NRG3: variants seen among roughly 807,000 people sequenced by gnomAD.
NRG3 encodes neuregulin 3, also known as pro-neuregulin-3, membrane-bound isoform.
In NRG3, 31 loss-of-function variants were observed where a neutral mutation model predicts 66.9. The ratio of observed to expected loss-of-function variants is 0.46; its 90% CI spans 0.35 to 0.63. The LOEUF (loss-of-function observed/expected upper bound fraction) is 0.63. Ranked by LOEUF, NRG3 falls within the 20% of genes least tolerant of loss-of-function variation. The pLI, the probability that NRG3 is intolerant of heterozygous loss-of-function variation, is 0.00. For missense variants in NRG3, 910 were observed against 878.9 expected (o/e 1.04, Z -0.45); for synonymous variants, 393 against 359.4 (o/e 1.09, Z -1.06).
intron 2 of NRG3, among the ~76,000 whole-genome samples, chr10:82,684,010 C>T (rs1380476202): frequency 8.7e-6 from 1 of 115,366 alleles, no homozygotes; most frequent in East Asian, 3.2e-4. Flanking sequence ...CCGGAATGTG[C>T]TGTGTGTATA....
intron 3 of NRG3, among the ~76,000 whole-genome samples, chr10:82,742,851 A>G (rs2058484854): frequency 6.6e-6 from 1 of 152,092 alleles, no homozygotes; most frequent in Non-Finnish European, 1.5e-5. Context: ...GCACAGTTAG[A>G]TGGAGCTGAA....
intron 1 of NRG3, among the ~76,000 whole-genome samples, chr10:82,122,457 T>G (rs746670232): frequency 1.3e-5 from 2 of 152,174 alleles, no homozygotes; most frequent in African/African-American, 4.8e-5. Flanking sequence ...TCACAGATAC[T>G]TGGTCAAACT....
intron 3 of NRG3, among the ~76,000 whole-genome samples, chr10:82,743,567 C>T (rs1409542969): frequency 1.3e-5 from 2 of 152,108 alleles, no homozygotes; most frequent in African/African-American, 4.8e-5. Flanking sequence ...TAAACACAGC[C>T]CCACTTCCAA....
intron 1 of NRG3, among the ~76,000 whole-genome samples, chr10:82,283,785 C>G (rs938360896): frequency 6.6e-6 from 1 of 152,122 alleles, no homozygotes; most frequent in Non-Finnish European, 1.5e-5. Context: ...TTCTGCATCT[C>G]GAGTCCCAAT....
At chr10:82,655,984 C>T (rs2051817422) in intron 2 of NRG3, among the ~76,000 whole-genome samples, 1 of 152,034 alleles carries the variant, frequency 6.6e-6, no homozygotes, top group South Asian at 2.1e-4. Context: ...CATTTTTAAC[C>T]TAAAGAAAAG....
chr10:82,450,045 G>A (rs557227202), intron 2 of NRG3, among the ~76,000 whole-genome samples: 5 of 152,306 alleles, frequency 3.3e-5, no homozygotes, highest in African/African-American at 1.2e-4. Context: ...GCATGACAGA[G>A]TGGAGTGGTC....
At chr10:82,098,355 A>G (rs544302423) in intron 1 of NRG3, among the ~76,000 whole-genome samples, 5 of 152,016 alleles carry the variant, frequency 3.3e-5, no homozygotes, top group South Asian at 2.1e-4. Context: ...GATGACATCT[A>G]TATGACATCT....
At chr10:82,856,756 C>G (rs77823181) in intron 3 of NRG3, among the ~76,000 whole-genome samples, 1 of 107,478 alleles carries the variant, frequency 9.3e-6, no homozygotes, top group East Asian at 3.1e-4. Flanking sequence ...AAAAAAAAAA[C>G]AAAAAAAAAA....
At chr10:82,883,781 T>C (rs931621934) in intron 4 of NRG3, among the ~76,000 whole-genome samples, 2 of 152,116 alleles carry the variant, frequency 1.3e-5, no homozygotes, top group East Asian at 1.9e-4. Flanking sequence ...CTATGTCCCA[T>C]GGTATTTTGA....
At chr10:82,841,600 C>G (rs1427562674) in intron 3 of NRG3, among the ~76,000 whole-genome samples, 2 of 152,078 alleles carry the variant, frequency 1.3e-5, no homozygotes, top group East Asian at 3.9e-4. Flanking sequence ...GGCAGAATTT[C>G]TTTTTCCAGA....
In NRG3 at chr10:81,875,227, C is replaced by T. The variant is rs1255105930; in HGVS notation, c.-114C>T. 9.4e-6 allele frequency: 5 copies of T among 531,002 alleles called. No individual in the cohort carries two copies. Among genetic ancestry groups the T allele is most frequent in the Non-Finnish European group, 1.2e-5 (5 of 417,568 alleles). 32.9% of individuals were successfully genotyped at this position (531,002 alleles called of 1,614,324 possible). A position where few individuals can be genotyped will look rare whatever the true frequency, so the allele number is the denominator to read the frequency against. On this transcript the variant is annotated 5_prime_UTR_variant, in exon 1 of 9. Coordinates refer to ENST00000372141, the MANE Select transcript of NRG3 (RefSeq NM_001010848.4). This position sits in a 1 kb window ranked among gnomAD's most constrained non-coding sequence, Gnocchi z 5.3. ...ATGCGGCCGCCGCGGCCGCTGCCTG[C>T]GCCCGAGCCCGCCGCCGCCGCCGGA... is the stretch of plus-strand genomic sequence containing the variant.
Position 82,002,430 on chromosome 10 carries a change from C to A in NRG3, c.823+126267C>A, listed in dbSNP as rs183339774. Among the ~76,000 whole-genome samples the A allele has an allele frequency of 2.2e-3, 334 of 152,228 alleles. 1 individual carries two copies. Among genetic ancestry groups the A allele is most frequent in the Middle Eastern group, 6.8e-3 (2 of 294 alleles). ...CACACCTGTGGAGTCTGGGAACGTTCAATGTGGTAGAAAAATGTAAAATTT... is the reference window on the plus strand; with the variant it reads ...CACACCTGTGGAGTCTGGGAACGTTAAATGTGGTAGAAAAATGTAAAATTT... On this transcript the variant is annotated intron_variant, in intron 1 of 8. Coordinates refer to ENST00000372141, the MANE Select transcript of NRG3 (RefSeq NM_001010848.4).
At chr10:82,932,214 G>A (rs1024697902) in intron 4 of NRG3, among the ~76,000 whole-genome samples, 42 of 152,166 alleles carry the variant, frequency 2.8e-4, no homozygotes, top group African/African-American at 8.9e-4. Flanking sequence ...TTAGGATTCC[G>A]TAGGACAGCC....
intron 3 of NRG3, among the ~76,000 whole-genome samples, chr10:82,786,728 G>A (rs2060381408): frequency 6.6e-6 from 1 of 152,172 alleles, no homozygotes; most frequent in Admixed American, 6.5e-5. Flanking sequence ...GCTATTGTTT[G>A]AATGTGTCAC....
intron 2 of NRG3, among the ~76,000 whole-genome samples, chr10:82,501,834 A>T (rs1844219938): frequency 2.0e-5 from 3 of 152,276 alleles, no homozygotes; most frequent in Admixed American, 1.3e-4. Flanking sequence ...TAATATTTTT[A>T]TCCTGCATAT....
intron 3 of NRG3, among the ~76,000 whole-genome samples, chr10:82,850,834 G>T (rs879902366): frequency 6.6e-5 from 10 of 152,096 alleles, no homozygotes; most frequent in African/African-American, 9.7e-5. Context: ...TAATTAAATA[G>T]CTTCTTAATT....
intron 1 of NRG3, among the ~76,000 whole-genome samples, chr10:82,002,642 C>T (rs148419182): frequency 2.1e-3 from 322 of 152,158 alleles, no homozygotes; most frequent in African/African-American, 7.3e-3. Flanking sequence ...CCATGCTTGG[C>T]GTAGTGTGGA....
chr10:82,768,374 T>C (rs1260651557), intron 3 of NRG3, among the ~76,000 whole-genome samples: 2 of 152,172 alleles, frequency 1.3e-5, no homozygotes, highest in South Asian at 2.1e-4. Context: ...CAAGAGTTTA[T>C]AGAAACTTTT....
At chr10:82,495,663 T>G (rs1347043970) in intron 2 of NRG3, among the ~76,000 whole-genome samples, 1 of 152,124 alleles carries the variant, frequency 6.6e-6, no homozygotes. Flanking sequence ...TACAAATCTT[T>G]ACAAAATTAC....
Sources: gnomAD v4.1 joint callset for allele counts (sites outside exome capture counted in the v4.1 genomes callset) on GRCh38, gnomAD v4.1.1 for gene constraint, Gnocchi (gnomAD v3.1) non-coding constraint, MANE v1.5 for transcripts, NCBI Gene and HGNC (gene_info 2026-07-23, HGNC 2026-07-21) for gene names.